Variants in GGPS1 observed in about 807,000 individuals in gnomAD.
GGPS1 encodes the protein geranylgeranyl pyrophosphate synthase.
Under a neutral mutation model 28.1 loss-of-function variants are expected in GGPS1, and 15 were observed. The ratio of observed to expected loss-of-function variants is 0.53; its 90% CI spans 0.36 to 0.82. GGPS1 has a LOEUF of 0.82. Ranked by LOEUF, GGPS1 falls within the 40% of genes least tolerant of loss-of-function variation. GGPS1 has a pLI of 0.01. For synonymous variants in GGPS1, 138 were observed against 122.4 expected (o/e 1.13, Z -0.84); for missense variants, 284 against 348.3 (o/e 0.82, Z 1.47).
At chr1:235,336,747 A>G (rs1675881852) in intron 2 of GGPS1, 1 of 152,254 alleles carries the variant, frequency 6.6e-6, no homozygotes, top group Admixed American at 6.5e-5. Context: ...TTCAGTCTCA[A>G]TAGACACTTT....
At chr1:235,340,348 T>C (rs1675997456) in intron 2 of GGPS1, among the ~76,000 whole-genome samples, 1 of 151,732 alleles carries the variant, frequency 6.6e-6, no homozygotes, top group African/African-American at 2.4e-5. Flanking sequence ...CTTGCACCTA[T>C]AGTGCCAGCT....
rs1676073780 is a variant in GGPS1 at position 235,342,312 on chromosome 1, T to C, written c.443T>C (p.Val148Ala). 2 of 1,613,924 alleles carry C rather than the reference T, an allele frequency of 1.2e-6. No homozygotes were observed. The highest frequency in any genetic ancestry group is 1.7e-6 in the Non-Finnish European group (2 of 1,179,898). The change falls in exon 4 of 4, where the codon GTG becomes GCG. Residue 148 changes from valine (V) to alanine (A), a missense_variant. By Grantham distance (64) the Val-to-Ala change is moderately conservative (BLOSUM62 0). Coordinates refer to ENST00000282841, the MANE Select transcript of GGPS1 (RefSeq NM_004837.4). ...ACTGAAGAAGAATATAAAGCTATGG[T>C]GCTGCAGAAAACAGGTGGACTGTTT... ...CPTEEEYKAM[V>A]LQKTGGLFGL...
rs1291552096 is a variant in GGPS1 at position 235,335,347 on chromosome 1, T to C, written c.70+13T>C. 3 of 1,254,328 alleles carry C rather than the reference T, an allele frequency of 2.4e-6. No homozygotes were observed. Among genetic ancestry groups the C allele is most frequent in the Admixed American group, 1.7e-5 (1 of 57,590 alleles). 77.7% of individuals were successfully genotyped at this position (1,254,328 alleles called of 1,614,324 possible). A position where few individuals can be genotyped will look rare whatever the true frequency, so the allele number is the denominator to read the frequency against. On this transcript the variant is annotated intron_variant, in intron 2 of 3. Transcript: ENST00000282841. ...CTTCAGTTACCAGGTAATACTTCAC[T>C]TACAGTCCATATAGGGTCATTTTCA...
intron 1 of GGPS1, among the ~76,000 whole-genome samples, chr1:235,333,567 CA>C (rs112155157): frequency 1.6e-4 from 21 of 130,280 alleles, no homozygotes; most frequent in East Asian, 2.2e-4. Flanking sequence ...AACTCCGTCT[CA>C]AAAAAAAAAA....
intron 1 of GGPS1, among the ~76,000 whole-genome samples, chr1:235,334,780 C>T (rs1055041571): frequency 3.3e-5 from 5 of 152,134 alleles, no homozygotes; most frequent in African/African-American, 1.2e-4. Context: ...CTCTTTCGCC[C>T]AGGCTGGAGT....
intron 2 of GGPS1, 67 bp downstream of exon 2, chr1:235,335,401 A>G (rs932875493): frequency 1.3e-6 from 1 of 745,544 alleles, no homozygotes; most frequent in Non-Finnish European, 2.3e-6. Context: ...AATGTTAGCA[A>G]ATAGAAAAGG....
chr1:235,337,833 T>G lies in GGPS1; in HGVS notation c.70+2499T>G, dbSNP rs182720092. On this transcript the variant is annotated intron_variant, in intron 2 of 3. Coordinates refer to ENST00000282841, the MANE Select transcript of GGPS1 (RefSeq NM_004837.4). ...CACTGTCTCAAAAAAAAAAAAGGAT[T>G]TTCTGAAATTAGTAAAGAAAATTAT... is the stretch of plus-strand genomic sequence containing the variant. 2.1e-3 allele frequency among the ~76,000 whole-genome samples: 316 copies of G among 151,756 alleles called. 2 individuals carry two copies. Among genetic ancestry groups the G allele is most frequent in the African/African-American group, 7.4e-3 (305 of 41,408 alleles).
intron 1 of GGPS1, among the ~76,000 whole-genome samples, chr1:235,331,079 T>A (rs939135101): frequency 2.1e-4 from 32 of 152,256 alleles, no homozygotes; most frequent in Admixed American, 1.8e-3. Flanking sequence ...AATAGGTATT[T>A]GCATAATAGG....
In GGPS1 at chr1:235,342,424, A is replaced by G. The variant is rs553468287; in HGVS notation, c.555A>G (p.Gln185=). 6.2e-7 allele frequency: 1 copy of G among 1,613,578 alleles called. No homozygotes were observed. The highest frequency in any genetic ancestry group is 1.1e-5 in the South Asian group (1 of 91,048). ...TTAATACACTTGGGCTCTTTTTCCA[A>G]ATTAGGGATGATTATGCTAATCTAC... is the stretch of plus-strand genomic sequence containing the variant. ...PLLNTLGLFF[Q]IRDDYANLHS... The change falls in exon 4 of 4, where the codon CAA becomes CAG. Residue 185 remains glutamine, a synonymous_variant. Coordinates refer to ENST00000282841, the MANE Select transcript of GGPS1 (RefSeq NM_004837.4).
rs1253152230 is a variant in GGPS1 at position 235,342,656 on chromosome 1, AC to A, written c.790del (p.Glu266SerfsTer19). On this transcript the variant is annotated frameshift_variant, in exon 4 of 4. Transcript: ENST00000282841. LOFTEE classifies it high-confidence loss of function. Reference sequence around the variant, plus strand: ...AGGTTCTTTTGAATACACTCGTAATACCCTTAAAGAGCTTGAAGCTAAAGCC... The same window carrying A: ...AGGTTCTTTTGAATACACTCGTAATACCTTAAAGAGCTTGAAGCTAAAGCC... Reference protein sequence around the residue: ...DVGSFEYTRNTLKELEAKAYK... With the variant: ...DVGSFEYTRNXLKELEAKAYK... 1 of 1,611,148 alleles carries A rather than the reference AC, an allele frequency of 6.2e-7. No individual in the cohort carries two copies. The highest frequency in any genetic ancestry group is 8.5e-7 in the Non-Finnish European group (1 of 1,177,282).
Position 235,342,411 on chromosome 1 carries a change from G to A in GGPS1, c.542G>A (p.Gly181Glu). 6.2e-7 allele frequency: 1 copy of A among 1,613,780 alleles called. No individual in the cohort carries two copies. Among genetic ancestry groups the A allele is most frequent in the Non-Finnish European group, 8.5e-7 (1 of 1,179,768 alleles). The change falls in exon 4 of 4, where the codon GGG becomes GAG. Residue 181 changes from glycine to glutamate, a missense_variant. Transcript: ENST00000282841. ...TTAAAACCGCTACTTAATACACTTGGGCTCTTTTTCCAAATTAGGGATGAT... is the reference window on the plus strand; with the variant it reads ...TTAAAACCGCTACTTAATACACTTGAGCTCTTTTTCCAAATTAGGGATGAT... ...EDLKPLLNTL[G>E]LFFQIRDDYA... is the part of the protein sequence containing the mutation.
intron 2 of GGPS1, among the ~76,000 whole-genome samples, chr1:235,340,195 G>A (rs541740585): frequency 6.6e-6 from 1 of 152,282 alleles, no homozygotes; most frequent in East Asian, 1.9e-4. Flanking sequence ...GATACTGTTG[G>A]GTGAAGTGAC....
intron 2 of GGPS1, among the ~76,000 whole-genome samples, chr1:235,341,056 G>A (rs921013598): frequency 6.6e-6 from 1 of 152,130 alleles, no homozygotes; most frequent in Non-Finnish European, 1.5e-5. Context: ...TTGGCCTGGC[G>A]CAGTGGCTCA....
chr1:235,335,247 C>G lies in GGPS1; in HGVS notation c.-18C>G. ...ATGTTTCTCCTTTTTGACAGATTAG[C>G]TTTGAAGTTTAAATCCAATGGAGAA... On this transcript the variant is annotated 5_prime_UTR_variant, in exon 2 of 4. Transcript: ENST00000282841. The G allele has an allele frequency of 1.5e-6, 2 of 1,347,784 alleles. No individual in the cohort carries two copies. Among genetic ancestry groups the G allele is most frequent in the Non-Finnish European group, 2.1e-6 (2 of 946,850 alleles). The allele number at this position is 1,347,784 out of a possible 1,614,324, so 83.5% of individuals were successfully genotyped here.
intron 1 of GGPS1, among the ~76,000 whole-genome samples, chr1:235,333,411 T>C (rs902597101): frequency 4.0e-5 from 6 of 149,206 alleles, no homozygotes; most frequent in Non-Finnish European, 9.0e-5. Flanking sequence ...CTACTAAAAA[T>C]TCAAAAAATT....
rs1449573226 is a variant in GGPS1, at chr1:235,335,349, A to T, written c.70+15A>T. ...TCAGTTACCAGGTAATACTTCACTT[A>T]CAGTCCATATAGGGTCATTTTCATG... On this transcript the variant is annotated intron_variant, in intron 2 of 3. Transcript: ENST00000282841. 10 of 1,240,220 alleles carry T rather than the reference A, an allele frequency of 8.1e-6. No homozygotes were observed. Among genetic ancestry groups the T allele is most frequent in the Non-Finnish European group, 1.2e-5 (10 of 843,820 alleles). 76.8% of individuals were successfully genotyped at this position (1,240,220 alleles called of 1,614,324 possible). A position where few individuals can be genotyped will look rare whatever the true frequency, so the allele number is the denominator to read the frequency against.
At chr1:235,331,597 T>A (rs972369661) in intron 1 of GGPS1, among the ~76,000 whole-genome samples, 2 of 152,088 alleles carry the variant, frequency 1.3e-5, no homozygotes, top group Non-Finnish European at 2.9e-5. Context: ...AGTGTATACA[T>A]TTGTGTTGCA....
intron 2 of GGPS1, among the ~76,000 whole-genome samples, chr1:235,338,369 G>A (rs1003379094): frequency 2.0e-5 from 3 of 151,614 alleles, no homozygotes; most frequent in African/African-American, 4.8e-5. Flanking sequence ...GTGATTAAGG[G>A]AGACCCCGTC....
intron 1 of GGPS1, chr1:235,329,691 TG>T (rs1675630864): frequency 6.6e-6 from 1 of 152,214 alleles, no homozygotes; most frequent in Non-Finnish European, 1.5e-5. Context: ...TTTTAGGCTT[TG>T]TAAAGGAGTT....
Sources: allele counts gnomAD v4.1 joint callset (sites outside exome capture counted in the v4.1 genomes callset), GRCh38; gene constraint gnomAD v4.1.1; transcripts MANE v1.5; gene names NCBI Gene and HGNC (gene_info 2026-07-23, HGNC 2026-07-21).